The following YTHDF3 variants were observed in gnomAD, a reference collection of about 807,000 sequenced individuals.
The protein encoded by YTHDF3 is YTH domain-containing family protein 3.
In YTHDF3, 9 loss-of-function variants were observed where a neutral mutation model predicts 52.5. The observed-to-expected ratio is 0.17, with a 90% CI of 0.10 to 0.30. The LOEUF (loss-of-function observed/expected upper bound fraction) is 0.30. Among genes scored for constraint, YTHDF3 ranks in the 10% least tolerant of loss-of-function variants. YTHDF3 has a pLI of 1.00. For missense variants in YTHDF3, 534 were observed against 715.0 expected (o/e 0.75, Z 2.89); for synonymous variants, 274 against 243.3 (o/e 1.13, Z -1.18).
intron 2 of YTHDF3, 89 bp downstream of exon 2, chr8:63,169,500 C>A: frequency 7.2e-7 from 1 of 1,391,812 alleles, no homozygotes; most frequent in Non-Finnish European, 9.9e-7. Context: ...TGTTTTTGCT[C>A]CCTCTTGGGA....
At chr8:63,190,559 T>C (rs1243150689) in intron 4 of YTHDF3, among the ~76,000 whole-genome samples, 1 of 152,188 alleles carries the variant, frequency 6.6e-6, no homozygotes, top group Non-Finnish European at 1.5e-5. Context: ...CCTAAAGGTT[T>C]TTCTGTACAT....
At chr8:63,204,131 G>C (rs1809827218) in intron 4 of YTHDF3, among the ~76,000 whole-genome samples, 1 of 151,932 alleles carries the variant, frequency 6.6e-6, no homozygotes, top group Non-Finnish European at 1.5e-5. Context: ...CCTTCTGTTT[G>C]TTCTTTTTTC....
At chr8:63,169,472 C>G (rs980465377) in intron 2 of YTHDF3, 61 bp downstream of exon 2, 1 of 1,506,080 alleles carries the variant, frequency 6.6e-7, no homozygotes, top group East Asian at 2.4e-5. Flanking sequence ...CTTTTAAACT[C>G]TGTGAGGGTA....
At chr8:63,184,282 A>G (rs1235972945) in intron 3 of YTHDF3, among the ~76,000 whole-genome samples, 2 of 152,174 alleles carry the variant, frequency 1.3e-5, no homozygotes, top group Non-Finnish European at 2.9e-5. Flanking sequence ...TGGTTTTGTG[A>G]TTTTCTTTTA....
At chr8:63,201,392 TTG>T (rs1228494474) in intron 4 of YTHDF3, among the ~76,000 whole-genome samples, 1 of 152,174 alleles carries the variant, frequency 6.6e-6, no homozygotes, top group African/African-American at 2.4e-5. Context: ...AAAATTTACA[TTG>T]TGTTTTCAAT....
At chr8:63,180,948 T>C (rs1454229674) in intron 3 of YTHDF3, among the ~76,000 whole-genome samples, 1 of 152,226 alleles carries the variant, frequency 6.6e-6, no homozygotes, top group African/African-American at 2.4e-5. Context: ...CGGCTCGGCA[T>C]CAGAGGGAGA....
At chr8:63,186,025 C>G (rs1563401015) in intron 3 of YTHDF3, 122 bp from the exon 4 acceptor site, 1 of 1,074,524 alleles carries the variant, frequency 9.3e-7, no homozygotes, top group Non-Finnish European at 1.3e-6. Flanking sequence ...TTTTGTTTAT[C>G]TAGAATAGGT....
In YTHDF3 at chr8:63,198,922, A is replaced by G. The variant is rs983093174; in HGVS notation, c.1735-10761A>G. On this transcript the variant is annotated intron_variant, in intron 4 of 4. Coordinates refer to ENST00000539294, the MANE Select transcript of YTHDF3 (RefSeq NM_152758.6). The stretch of plus-strand genomic sequence containing the variant: ...TCTAGAATGTAAAGTTGGGCCCAGT[A>G]TGTAACACATTTGATACAATAAACT... Among the ~76,000 whole-genome samples, 3 of 152,214 alleles carry G rather than the reference A, an allele frequency of 2.0e-5. No individual in the cohort carries two copies. In the East Asian group the frequency reaches 5.8e-4, roughly 29 times the overall value.
chr8:63,211,269 G>A lies in YTHDF3; in HGVS notation c.*1563G>A, dbSNP rs887492189. On this transcript the variant is annotated 3_prime_UTR_variant, in exon 5 of 5. Coordinates refer to ENST00000539294, the MANE Select transcript of YTHDF3 (RefSeq NM_152758.6). ...TGTAGATAACCATAGCTACTACACA[G>A]TTCTTCGGTAGTCCCAGTGTAGTTA... is the stretch of plus-strand genomic sequence containing the variant. 2.6e-5 allele frequency: 4 copies of A among 152,438 alleles called. No homozygotes were observed. Among genetic ancestry groups the A allele is most frequent in the Non-Finnish European group, 5.9e-5 (4 of 67,976 alleles). The allele number at this position is 152,438 out of a possible 1,614,324, so 9.4% of individuals were successfully genotyped here. A position where few individuals can be genotyped will look rare whatever the true frequency, so the allele number is the denominator to read the frequency against.
Position 63,194,646 on chromosome 8 carries a change from T to TCCATGGATCATCTGACAGA in YTHDF3, c.1734+6901_1734+6902insCCATGGATCATCTGACAGA, listed in dbSNP as rs1809123366. On this transcript the variant is annotated intron_variant, in intron 4 of 4. Transcript: ENST00000539294. ...TTGAGATAACTTTCCCCCAGAAAAC[T>TCCATGGATCATCTGACAGA]ATAGTGTTTTTTTCCTATAGGAAAG... Among the ~76,000 whole-genome samples the TCCATGGATCATCTGACAGA allele has an allele frequency of 2.0e-5, 3 of 152,298 alleles. No individual in the cohort carries two copies. In the South Asian group the frequency reaches 6.2e-4, roughly 32 times the overall value.
intron 2 of YTHDF3, among the ~76,000 whole-genome samples, chr8:63,174,165 G>A (rs1807532739): frequency 1.3e-5 from 2 of 152,226 alleles, no homozygotes; most frequent in Middle Eastern, 3.4e-3. Flanking sequence ...ATAAAATTTG[G>A]TGATGTTGTA....
intron 4 of YTHDF3, among the ~76,000 whole-genome samples, chr8:63,189,947 A>G (rs921928203): frequency 7.2e-5 from 11 of 152,194 alleles, no homozygotes; most frequent in African/African-American, 2.7e-4. Flanking sequence ...AATGAGAGAA[A>G]TGGGATCAAA....
At chr8:63,190,765 G>C (rs1808862137) in intron 4 of YTHDF3, among the ~76,000 whole-genome samples, 2 of 152,120 alleles carry the variant, frequency 1.3e-5, no homozygotes, top group South Asian at 2.1e-4. Flanking sequence ...TCCACCACAG[G>C]GCTGTGCTTG....
intron 3 of YTHDF3, among the ~76,000 whole-genome samples, chr8:63,181,645 T>C (rs1025544432): frequency 3.9e-5 from 6 of 152,262 alleles, no homozygotes; most frequent in Non-Finnish European, 7.3e-5. Flanking sequence ...CTTAAGTGTT[T>C]TGTTTTGCTT....
chr8:63,207,934 A>G (rs1473190726), intron 4 of YTHDF3, among the ~76,000 whole-genome samples: 1 of 152,202 alleles, frequency 6.6e-6, no homozygotes, highest in Non-Finnish European at 1.5e-5. Context: ...TTAGCAGTGA[A>G]TTAAACTTTC....
intron 4 of YTHDF3, among the ~76,000 whole-genome samples, chr8:63,192,101 C>T (rs924673157): frequency 2.0e-5 from 3 of 152,270 alleles, no homozygotes; most frequent in African/African-American, 7.2e-5. Context: ...AGAACAGTTT[C>T]GTCATCCCCC....
chr8:63,178,247 G>A (rs552601781), intron 3 of YTHDF3, among the ~76,000 whole-genome samples: 2 of 152,334 alleles, frequency 1.3e-5, no homozygotes, highest in Admixed American at 1.3e-4. Context: ...GTATTCCATA[G>A]AGGCACCTTA....
intron 3 of YTHDF3, among the ~76,000 whole-genome samples, chr8:63,180,847 GCCTGCAATCGCAGGCA>G (rs1180451293): frequency 6.6e-6 from 1 of 152,212 alleles, no homozygotes; most frequent in Non-Finnish European, 1.5e-5. Context: ...GGCGGCAAGC[GCCTGCAATCGCAGGCA>G]CTCGGCAGGC....
Position 63,178,375 on chromosome 8 carries a change from TA to T in YTHDF3, c.135+2970del, listed in dbSNP as rs895923824. On this transcript the variant is annotated intron_variant, in intron 3 of 4. Transcript: ENST00000539294. ...GGAATTGTGCATAAGACTTTACTTG[TA>T]AAAAAAAAAATAGTTTTAAAAAGTG... 6.0e-3 allele frequency among the ~76,000 whole-genome samples: 884 copies of T among 147,446 alleles called. 13 individuals carry two copies. Among genetic ancestry groups the T allele is most frequent in the African/African-American group, 0.02 (808 of 40,418 alleles).
Sources: allele counts gnomAD v4.1 joint callset (sites outside exome capture counted in the v4.1 genomes callset), GRCh38; gene constraint gnomAD v4.1.1; transcripts MANE v1.5; gene names NCBI Gene and HGNC (gene_info 2026-07-23, HGNC 2026-07-21).